PIGL: variants seen among roughly 807,000 people sequenced by gnomAD.
PIGL encodes N-acetylglucosaminyl-phosphatidylinositol de-N-acetylase.
PIGL carries 22 observed loss-of-function variants against 31.1 expected under a neutral mutation model. The ratio of observed to expected loss-of-function variants is 0.71; its 90% CI spans 0.51 to 1.01. The LOEUF (loss-of-function observed/expected upper bound fraction) is 1.01, where lower values mean the gene tolerates loss of function less well. PIGL is among the 50% of genes least tolerant of loss of function. The probability of loss-of-function intolerance (pLI) is 0.00; values close to 1 mark genes in which losing one functional copy is unlikely to be tolerated. For synonymous variants in PIGL, 131 were observed against 117.4 expected, an observed-to-expected ratio of 1.12 and a Z score of -0.75; for missense variants, 302 against 315.9, an observed-to-expected ratio of 0.96 and a Z score of 0.33.
intron 3 of PIGL, among the ~76,000 whole-genome samples, chr17:16,313,021 T>C (rs866029862): frequency 5.9e-5 from 9 of 152,192 alleles, no homozygotes; most frequent in Middle Eastern, 3.4e-3. Flanking sequence ...ACTGAGCTTG[T>C]AGTTAATAAA....
intron 1 of PIGL, among the ~76,000 whole-genome samples, chr17:16,224,516 A>G (rs1600739997): frequency 6.6e-6 from 1 of 151,804 alleles, no homozygotes; most frequent in Non-Finnish European, 1.5e-5. Context: ...CATGTTGGCC[A>G]GGCTGGTCTC....
chr17:16,248,071 A>G (rs1427037993), intron 2 of PIGL, among the ~76,000 whole-genome samples: 2 of 152,096 alleles, frequency 1.3e-5, no homozygotes, highest in East Asian at 1.9e-4. Context: ...TGTTTTTAGT[A>G]GAGACGGGGT....
At chr17:16,310,632 G>A (rs1344752345) in intron 3 of PIGL, among the ~76,000 whole-genome samples, 1 of 152,094 alleles carries the variant, frequency 6.6e-6, no homozygotes, top group African/African-American at 2.4e-5. Context: ...CGCCTCCTGG[G>A]TTCAGGCGAT....
intron 2 of PIGL, among the ~76,000 whole-genome samples, chr17:16,241,567 T>TAA (rs1363927885): frequency 7.0e-6 from 1 of 143,058 alleles, no homozygotes; most frequent in African/African-American, 2.6e-5. Flanking sequence ...AACTCTGTCT[T>TAA]AAAAAAAAAA....
chr17:16,264,273 G>T (rs1011703966), intron 2 of PIGL, among the ~76,000 whole-genome samples: 8 of 151,352 alleles, frequency 5.3e-5, no homozygotes, highest in Non-Finnish European at 1.2e-4. Context: ...CTCCCAAAGT[G>T]CTGGGATTAC....
At chr17:16,303,404 G>C (rs981357221) in intron 3 of PIGL, among the ~76,000 whole-genome samples, 12 of 152,162 alleles carry the variant, frequency 7.9e-5, no homozygotes, top group African/African-American at 2.9e-4. Context: ...CTCCCTGCCT[G>C]GAAGTCTTTC....
chr17:16,245,469 G>A (rs2092740975), intron 2 of PIGL, among the ~76,000 whole-genome samples: 1 of 150,950 alleles, frequency 6.6e-6, no homozygotes. Context: ...TTTAGGATGG[G>A]TTTATTGGGA....
intron 1 of PIGL, among the ~76,000 whole-genome samples, chr17:16,226,857 G>A (rs1370158668): frequency 6.6e-6 from 1 of 152,144 alleles, no homozygotes; most frequent in African/African-American, 2.4e-5. Flanking sequence ...AGGCCACCAA[G>A]GATATGTAGA....
intron 2 of PIGL, among the ~76,000 whole-genome samples, chr17:16,241,201 G>A (rs2092721951): frequency 6.6e-6 from 1 of 151,664 alleles, no homozygotes; most frequent in South Asian, 2.1e-4. Context: ...AGATATCTAG[G>A]TGGATAAAGA....
chr17:16,250,269 C>G (rs1003280412), intron 2 of PIGL, among the ~76,000 whole-genome samples: 1 of 152,072 alleles, frequency 6.6e-6, no homozygotes, highest in Non-Finnish European at 1.5e-5. Flanking sequence ...AATTAACCAG[C>G]ACACTTACTG....
intron 2 of PIGL, among the ~76,000 whole-genome samples, chr17:16,289,696 C>T (rs754868470): frequency 8.5e-5 from 13 of 152,200 alleles, no homozygotes; most frequent in Admixed American, 7.2e-4. Flanking sequence ...AAGGGAATTG[C>T]GCCAGAATAC....
chr17:16,264,665 C>T (rs1440699251), intron 2 of PIGL, among the ~76,000 whole-genome samples: 3 of 150,320 alleles, frequency 2.0e-5, no homozygotes, highest in Admixed American at 6.6e-5. Flanking sequence ...GACAGAGTCT[C>T]ACTCTTGCCC....
intron 6 of PIGL, among the ~76,000 whole-genome samples, chr17:16,320,554 AAAGG>A (rs201649176): frequency 8.2e-5 from 12 of 146,454 alleles, no homozygotes; most frequent in Middle Eastern, 3.9e-3. Context: ...AGGAAGGAAG[AAAGG>A]AAGGAAGGAA....
chr17:16,279,153 G>A (rs1242373351), intron 2 of PIGL, among the ~76,000 whole-genome samples: 1 of 152,186 alleles, frequency 6.6e-6, no homozygotes, highest in African/African-American at 2.4e-5. Context: ...GGTTCACCTG[G>A]AAGATGTTAC....
At chr17:16,231,528 C>T (rs1048518737) in intron 1 of PIGL, among the ~76,000 whole-genome samples, 3 of 152,066 alleles carry the variant, frequency 2.0e-5, no homozygotes, top group Non-Finnish European at 2.9e-5. Flanking sequence ...ACATGAGCCA[C>T]TATGCCCAGC....
At chr17:16,270,879 C>T (rs1472279062) in intron 2 of PIGL, among the ~76,000 whole-genome samples, 1 of 139,612 alleles carries the variant, frequency 7.2e-6, no homozygotes, top group African/African-American at 2.7e-5. Flanking sequence ...TGCGACAGAG[C>T]GAGACTGTCT....
intron 1 of PIGL, among the ~76,000 whole-genome samples, chr17:16,227,656 C>T (rs1483802774): frequency 7.0e-6 from 1 of 143,492 alleles, no homozygotes; most frequent in African/African-American, 2.6e-5. Context: ...TCTCGGCTCA[C>T]TGCAACCTCT....
intron 3 of PIGL, among the ~76,000 whole-genome samples, chr17:16,301,860 C>T (rs540926705): frequency 3.3e-5 from 5 of 151,934 alleles, no homozygotes; most frequent in African/African-American, 1.2e-4. Context: ...TGAGCCACCA[C>T]GCCCAGCCTA....
chr17:16,274,015 T>C (rs963918801), intron 2 of PIGL, among the ~76,000 whole-genome samples: 2 of 152,214 alleles, frequency 1.3e-5, no homozygotes, highest in African/African-American at 4.8e-5. Context: ...CCTCCATCGA[T>C]GGCCGTGATA....
Sources: allele counts gnomAD v4.1 joint callset (sites outside exome capture counted in the v4.1 genomes callset), GRCh38; gene constraint gnomAD v4.1.1; transcripts MANE v1.5; gene names NCBI Gene and HGNC (gene_info 2026-07-23, HGNC 2026-07-21).